CCDC6: variants seen among roughly 807,000 people sequenced by gnomAD.
The protein encoded by CCDC6 is coiled-coil domain containing 6.
Under a neutral mutation model 56.6 loss-of-function variants are expected in CCDC6, and 20 were observed. That is an observed-to-expected ratio of 0.35 (90% CI 0.25 to 0.51). CCDC6 has a LOEUF of 0.51. Among genes scored for constraint, CCDC6 ranks in the 20% least tolerant of loss-of-function variants. The pLI is 0.95. For synonymous variants in CCDC6, 241 were observed against 234.4 expected (o/e 1.03, Z -0.26); for missense variants, 367 against 601.1 (o/e 0.61, Z 4.07).
At chr10:59,823,551 G>A (rs1306433211) in intron 3 of CCDC6, among the ~76,000 whole-genome samples, 2 of 152,178 alleles carry the variant, frequency 1.3e-5, no homozygotes, top group African/African-American at 4.8e-5. Context: ...AGACTTTGTT[G>A]TCTCCCAACC....
chr10:59,875,351 G>T (rs555581943), intron 1 of CCDC6, among the ~76,000 whole-genome samples: 1 of 152,138 alleles, frequency 6.6e-6, no homozygotes. Flanking sequence ...GCTCATCTAG[G>T]GTGGCTGTTA....
chr10:59,833,092 C>T (rs1181910989), intron 2 of CCDC6, among the ~76,000 whole-genome samples: 1 of 152,158 alleles, frequency 6.6e-6, no homozygotes, highest in African/African-American at 2.4e-5. Flanking sequence ...TAAAAATCAG[C>T]ACAATTATTT....
intron 1 of CCDC6, among the ~76,000 whole-genome samples, chr10:59,905,622 G>C (rs1000217658): frequency 6.6e-6 from 1 of 152,006 alleles, no homozygotes; most frequent in Non-Finnish European, 1.5e-5. Context: ...CCCCCTCCCC[G>C]GGCGATCCAG....
chr10:59,813,384 G>A (rs2070688476), intron 4 of CCDC6, among the ~76,000 whole-genome samples: 1 of 152,156 alleles, frequency 6.6e-6, no homozygotes, highest in Non-Finnish European at 1.5e-5. Context: ...AATTAGTAGT[G>A]CCACCTTCTT....
chr10:59,890,460 G>GGGGAAGAAAACAGAAAA lies in CCDC6; in HGVS notation c.303+15645_303+15661dup, dbSNP rs554453651. 2.0e-5 allele frequency among the ~76,000 whole-genome samples: 3 copies of GGGGAAGAAAACAGAAAA among 152,236 alleles called. No homozygotes were observed. In the South Asian group the frequency reaches 6.2e-4, roughly 32 times the overall value. ...ACAGCAACCTGATCTCAGGTTTGTG[G>GGGGAAGAAAACAGAAAA]GGGAAGAAAACAGAAAAGGGAAGAA... On this transcript the variant is annotated intron_variant, in intron 1 of 8. Coordinates refer to ENST00000263102, the MANE Select transcript of CCDC6 (RefSeq NM_005436.5).
intron 1 of CCDC6, among the ~76,000 whole-genome samples, chr10:59,889,049 A>C (rs1187835251): frequency 2.6e-5 from 4 of 151,934 alleles, no homozygotes; most frequent in Non-Finnish European, 5.9e-5. Flanking sequence ...ATATCAGGGG[A>C]CCCACGCACG....
At chr10:59,821,189 C>A (rs1205837027) in intron 3 of CCDC6, among the ~76,000 whole-genome samples, 1 of 152,150 alleles carries the variant, frequency 6.6e-6, no homozygotes, top group East Asian at 1.9e-4. Flanking sequence ...TTCCCATACA[C>A]CTGAGTTAAT....
chr10:59,868,688 A>G (rs67933773), intron 1 of CCDC6, among the ~76,000 whole-genome samples: 29,471 of 152,182 alleles, frequency 0.19, 3,100 homozygotes, highest in African/African-American at 0.27. Context: ...GTTACAAACA[A>G]TATGGTTTAT....
chr10:59,852,923 C>A (rs2071051277), intron 1 of CCDC6, among the ~76,000 whole-genome samples: 1 of 152,190 alleles, frequency 6.6e-6, no homozygotes, highest in African/African-American at 2.4e-5. Flanking sequence ...CCCCCCTTTA[C>A]TATGTGTGGT....
chr10:59,798,707 A>G (rs2070545195), intron 7 of CCDC6, among the ~76,000 whole-genome samples: 1 of 152,226 alleles, frequency 6.6e-6, no homozygotes, highest in Non-Finnish European at 1.5e-5. Flanking sequence ...ATAAAATATA[A>G]AAGTGGGCTG....
chr10:59,888,129 CGT>C (rs2071396399), intron 1 of CCDC6, among the ~76,000 whole-genome samples: 1 of 152,340 alleles, frequency 6.6e-6, no homozygotes, highest in East Asian at 1.9e-4. Flanking sequence ...GTCCAGAAAA[CGT>C]GTCTGCACAT....
At chr10:59,838,845 T>A (rs1331695328) in intron 2 of CCDC6, among the ~76,000 whole-genome samples, 1 of 152,052 alleles carries the variant, frequency 6.6e-6, no homozygotes, top group Non-Finnish European at 1.5e-5. Flanking sequence ...ATCCCTCCCC[T>A]CAATTTACCA....
chr10:59,864,325 A>G (rs2071158933), intron 1 of CCDC6, among the ~76,000 whole-genome samples: 1 of 152,164 alleles, frequency 6.6e-6, no homozygotes, highest in Admixed American at 6.5e-5. Flanking sequence ...TAAGTCCCTA[A>G]CTCCAGTAAA....
chr10:59,842,205 C>T (rs905717499), intron 2 of CCDC6, among the ~76,000 whole-genome samples: 6 of 152,064 alleles, frequency 3.9e-5, no homozygotes, highest in Non-Finnish European at 5.9e-5. Flanking sequence ...TCACACCCCA[C>T]TAACTTATTT....
chr10:59,810,304 C>T (rs2070662504), intron 5 of CCDC6, among the ~76,000 whole-genome samples: 1 of 152,214 alleles, frequency 6.6e-6, no homozygotes, highest in Non-Finnish European at 1.5e-5. Context: ...AGCTAAGTGC[C>T]ACTGCTGCTT....
Position 59,906,269 on chromosome 10 carries a change from C to T in CCDC6, c.156G>A (p.Ser52=). The change falls in exon 1 of 9, where the codon TCG becomes TCA. Residue 52 remains serine, a synonymous_variant. Transcript: ENST00000263102. ...GGGKSGGIVI[S]PFRLEELTNR... Reference sequence around the variant, plus strand: ...TGGTGAGCTCCTCCAGGCGGAACGGCGAGATGACAATGCCCCCCGACTTCC... The same window carrying T: ...TGGTGAGCTCCTCCAGGCGGAACGGTGAGATGACAATGCCCCCCGACTTCC... The T allele has an allele frequency of 6.2e-7, 1 of 1,611,884 alleles. No individual in the cohort carries two copies.
intron 1 of CCDC6, among the ~76,000 whole-genome samples, chr10:59,882,315 G>C (rs868708535): frequency 1.0e-3 from 8 of 8,028 alleles, no homozygotes; most frequent in Admixed American, 1.5e-3. Flanking sequence ...GGAAAGCCGG[G>C]GGGAGAAGGA....
chr10:59,834,715 A>C (rs2070866824), intron 2 of CCDC6, among the ~76,000 whole-genome samples: 1 of 152,212 alleles, frequency 6.6e-6, no homozygotes, highest in African/African-American at 2.4e-5. Flanking sequence ...ACCCAAGAGA[A>C]AAGCAGGTGT....
chr10:59,875,924 C>T (rs2071274678), intron 1 of CCDC6, among the ~76,000 whole-genome samples: 4 of 152,084 alleles, frequency 2.6e-5, no homozygotes, highest in African/African-American at 7.2e-5. Context: ...GCTATTTGGA[C>T]ATTAACCTGA....
Sources: gnomAD v4.1 joint callset for allele counts (sites outside exome capture counted in the v4.1 genomes callset) on GRCh38, gnomAD v4.1.1 for gene constraint, MANE v1.5 for transcripts, NCBI Gene and HGNC (gene_info 2026-07-23, HGNC 2026-07-21) for gene names.